The following MUCL1 variants were observed in gnomAD, a reference collection of about 807,000 sequenced individuals.
MUCL1 encodes mucin like 1, also known as mucin-like protein 1.
In MUCL1, 11 loss-of-function variants were observed where a neutral mutation model predicts 9.2. That is an observed-to-expected ratio of 1.19 (90% CI 0.75 to 1.97). The LOEUF (loss-of-function observed/expected upper bound fraction) is 1.97. MUCL1 is among the 30% of genes most tolerant of loss of function. The probability of loss-of-function intolerance (pLI) is 0.00; values close to 1 mark genes in which losing one functional copy is unlikely to be tolerated. For synonymous variants in MUCL1, 48 were observed against 40.5 expected, an observed-to-expected ratio of 1.19 and a Z score of -0.71; for missense variants, 144 against 110.9, an observed-to-expected ratio of 1.30 and a Z score of -1.34.
chr12:54,850,661 T>C (rs533508657), upstream of MUCL1, among the ~76,000 whole-genome samples: 9 of 152,196 alleles, frequency 5.9e-5, no homozygotes, highest in Non-Finnish European at 1.2e-4. Context: ...TTATAATCCT[T>C]TGGGTATATG....
At chr12:54,833,428 G>A (rs2121477660) in intron 1 of MUCL1, among the ~76,000 whole-genome samples, 1 of 152,024 alleles carries the variant, frequency 6.6e-6, no homozygotes. Flanking sequence ...GGTATTTTCA[G>A]TTCATAAAAT....
chr12:54,855,438 C>T, intron 2 of MUCL1: 1 of 370,244 alleles, frequency 2.7e-6, no homozygotes, highest in Non-Finnish European at 5.0e-6. Flanking sequence ...AGCATGAGGT[C>T]TGATGTTGTA....
At chr12:54,839,241 A>G (rs1008012849), upstream of MUCL1, 2 of 625,382 alleles carry the variant, frequency 3.2e-6, no homozygotes, top group Admixed American at 2.4e-5. Context: ...TTACTCAGCT[A>G]CTGGTTGTAG....
upstream of MUCL1, among the ~76,000 whole-genome samples, chr12:54,850,480 G>GAC (rs1959322029): frequency 6.6e-6 from 1 of 152,030 alleles, no homozygotes; most frequent in African/African-American, 2.4e-5. Context: ...CCCTACAAAG[G>GAC]ACATGAACTC....
upstream of MUCL1, among the ~76,000 whole-genome samples, chr12:54,852,163 G>C (rs1300229227): frequency 1.3e-5 from 2 of 152,092 alleles, no homozygotes; most frequent in Non-Finnish European, 2.9e-5. Flanking sequence ...CTACTTTAAA[G>C]TTCATATGGA....
intron 1 of MUCL1, among the ~76,000 whole-genome samples, chr12:54,845,302 G>C (rs1183891185): frequency 1.3e-5 from 2 of 152,156 alleles, no homozygotes; most frequent in Non-Finnish European, 2.9e-5. Flanking sequence ...TTTGAGAAAA[G>C]GAGGGCCTTT....
At chr12:54,832,422 T>C (rs1463489723) in intron 1 of MUCL1, among the ~76,000 whole-genome samples, 1 of 152,086 alleles carries the variant, frequency 6.6e-6, no homozygotes, top group African/African-American at 2.4e-5. Flanking sequence ...TTTCCTCTGT[T>C]TTATGTTGTC....
chr12:54,836,079 C>T (rs1440215439), upstream of MUCL1, among the ~76,000 whole-genome samples: 2 of 152,092 alleles, frequency 1.3e-5, no homozygotes, highest in Non-Finnish European at 2.9e-5. Context: ...GCTTTGGTAT[C>T]AGGGCATACT....
At chr12:54,831,601 A>T (rs1421237897) in intron 1 of MUCL1, among the ~76,000 whole-genome samples, 1 of 152,122 alleles carries the variant, frequency 6.6e-6, no homozygotes, top group Non-Finnish European at 1.5e-5. Flanking sequence ...ACCTTAAGTT[A>T]TACTAAGTTA....
At chr12:54,852,336 C>A (rs1426507784), upstream of MUCL1, among the ~76,000 whole-genome samples, 1 of 152,082 alleles carries the variant, frequency 6.6e-6, no homozygotes, top group Non-Finnish European at 1.5e-5. Flanking sequence ...AGAACAGAGC[C>A]CTCAGAAATA....
chr12:54,840,140 T>G (rs575818468), intron 1 of MUCL1, among the ~76,000 whole-genome samples: 115 of 152,294 alleles, frequency 7.6e-4, no homozygotes, highest in African/African-American at 2.5e-3. Context: ...TGCTAAGGAA[T>G]GTCTGCAAGG....
intron 1 of MUCL1, among the ~76,000 whole-genome samples, chr12:54,840,780 G>T (rs986002520): frequency 6.6e-6 from 1 of 152,184 alleles, no homozygotes; most frequent in Non-Finnish European, 1.5e-5. Context: ...CCACACAAAA[G>T]AATCCACATG....
chr12:54,832,554 G>A (rs1021207869), intron 1 of MUCL1, among the ~76,000 whole-genome samples: 1 of 151,944 alleles, frequency 6.6e-6, no homozygotes, highest in African/African-American at 2.4e-5. Flanking sequence ...TTGGTTAAAC[G>A]GATAACTGTT....
intron 1 of MUCL1, among the ~76,000 whole-genome samples, chr12:54,841,513 T>A (rs933108305): frequency 6.6e-6 from 1 of 152,234 alleles, no homozygotes; most frequent in African/African-American, 2.4e-5. Context: ...TGCCGTACTT[T>A]GTCTTTTCAA....
intron 1 of MUCL1, among the ~76,000 whole-genome samples, chr12:54,841,507 G>T (rs1483405397): frequency 2.0e-5 from 3 of 152,062 alleles, no homozygotes; most frequent in East Asian, 3.9e-4. Flanking sequence ...CAACCCTGCC[G>T]TACTTTGTCT....
At chr12:54,840,732 C>A (rs764798931) in intron 1 of MUCL1, among the ~76,000 whole-genome samples, 1 of 152,174 alleles carries the variant, frequency 6.6e-6, no homozygotes, top group Non-Finnish European at 1.5e-5. Flanking sequence ...TCTCTGGCTG[C>A]TGGCATAATG....
intron 1 of MUCL1, among the ~76,000 whole-genome samples, chr12:54,842,120 C>T (rs1959215376): frequency 1.3e-5 from 2 of 152,066 alleles, no homozygotes; most frequent in South Asian, 2.1e-4. Context: ...GAGAGAACAA[C>T]ATCTTTATAA....
In MUCL1 at chr12:54,847,978, A is replaced by T. The variant is rs544196765; in HGVS notation, c.44-7138A>T. Among the ~76,000 whole-genome samples, 3 of 151,946 alleles carry T rather than the reference A, an allele frequency of 2.0e-5. No individual in the cohort carries two copies. In the South Asian group the frequency reaches 6.3e-4, roughly 32 times the overall value. On this transcript the variant is annotated intron_variant, in intron 1 of 3. Transcript: ENST00000546809. ...GATCTTACCTTTGGTACTAACAGCA[A>T]ATCCTGTTTCATCTCCCATCATCCT... is the stretch of plus-strand genomic sequence containing the variant.
intron 1 of MUCL1, among the ~76,000 whole-genome samples, chr12:54,833,758 G>A (rs1020208270): frequency 1.3e-5 from 2 of 150,938 alleles, no homozygotes; most frequent in Non-Finnish European, 1.5e-5. Flanking sequence ...ACTCATAGAG[G>A]GGAATTGAAC....
Sources: allele counts gnomAD v4.1 joint callset (sites outside exome capture counted in the v4.1 genomes callset), GRCh38; gene constraint gnomAD v4.1.1; transcripts MANE v1.5; gene names NCBI Gene and HGNC (gene_info 2026-07-23, HGNC 2026-07-21).